Variants in GLDC observed in about 807,000 individuals in gnomAD.
GLDC encodes the protein glycine decarboxylase.
A neutral mutation model predicts 121.3 loss-of-function variants in GLDC; 104 were observed. The ratio of observed to expected loss-of-function variants is 0.86; its 90% confidence interval spans 0.73 to 1.01. The LOEUF is 1.01. Among genes scored for constraint, GLDC ranks in the 50% least tolerant of loss-of-function variants. The probability of loss-of-function intolerance (pLI) is 0.00; values close to 1 mark genes in which losing one functional copy is unlikely to be tolerated. For missense variants in GLDC, 1,429 were observed against 1,306.6 expected, an observed-to-expected ratio of 1.09 and a Z score of -1.44; for synonymous variants, 546 against 480.6, an observed-to-expected ratio of 1.14 and a Z score of -1.78.
chr9:6,604,661 G>A lies in GLDC; in HGVS notation c.985C>T (p.Pro329Ser). The A allele has an allele frequency of 6.2e-7, 1 of 1,614,012 alleles. No individual in the cohort carries two copies. The highest frequency in any genetic ancestry group is 8.5e-7 in the Non-Finnish European group (1 of 1,179,998). The change falls in exon 7 of 25, where the codon CCC becomes TCC. Residue 329 changes from proline to serine, a missense_variant. Coordinates refer to ENST00000321612, the MANE Select transcript of GLDC (RefSeq NM_000170.3). ...CGGACAGCAAAAAATGCTGCATGGG[G>A]TCCCCCATAGCCCAGTGGCACTCCA... ...RFGVPLGYGG[P>S]HAAFFAVRES... is the part of the protein sequence containing the mutation.
At chr9:6,604,529 C>A in intron 7 of GLDC, 59 bp downstream of exon 7, 2 of 1,434,594 alleles carry the variant, frequency 1.4e-6, no homozygotes, top group African/African-American at 1.4e-5. Flanking sequence ...CATTTGTGAT[C>A]AGAAGAAATC....
intron 14 of GLDC, among the ~76,000 whole-genome samples, chr9:6,588,162 C>A (rs1476319610): frequency 1.3e-5 from 2 of 151,864 alleles, no homozygotes; most frequent in African/African-American, 4.8e-5. Context: ...GGCATAAATA[C>A]CATATACATT....
rs567167527 is a variant in GLDC, at chr9:6,553,442, A to T, written c.2383T>A (p.Cys795Ser). The T allele has an allele frequency of 5.1e-5, 83 of 1,613,790 alleles. 1 individual carries two copies. In the South Asian group the frequency reaches 8.9e-4, roughly 17 times the overall value. The change falls in exon 20 of 25, where the codon TGT becomes AGT. Residue 795 changes from cysteine to serine, a missense_variant. Cys to Ser is a moderately radical substitution (Grantham distance 112). Coordinates refer to ENST00000321612, the MANE Select transcript of GLDC (RefSeq NM_000170.3). ...GCCGCACTGACGGTTCCCACAGGAC[A>T]GGCATCCTCATTCCGCTTTAGTGAA... ...VISLKRNEDACPVGTVSAAPW... is the reference protein window; with the variant it reads ...VISLKRNEDASPVGTVSAAPW...
Position 6,558,599 on chromosome 9 carries a change from T to A in GLDC, c.2012A>T (p.Asp671Val). ...AGMKIQPVEV[D>V]KYGNIDAVHL... ...AACTGCATCGATATTCCCATATTTATCCACCTCCACAGGCTGAATCTTCAT... is the reference window on the plus strand; with the variant it reads ...AACTGCATCGATATTCCCATATTTAACCACCTCCACAGGCTGAATCTTCAT... The change falls in exon 17 of 25, where the codon GAT (aspartate) becomes GTT (valine). Residue 671 changes from aspartate to valine, a missense_variant. Asp to Val is a radical substitution (Grantham distance 152, BLOSUM62 -3). Transcript: ENST00000321612. 6.2e-7 allele frequency: 1 copy of A among 1,614,206 alleles called. No homozygotes were observed.
At chr9:6,569,649 C>G (rs892834923) in intron 15 of GLDC, among the ~76,000 whole-genome samples, 24 of 151,972 alleles carry the variant, frequency 1.6e-4, no homozygotes, top group South Asian at 6.2e-4. Flanking sequence ...GAGACTCCAT[C>G]ACAAAAACAA....
At chr9:6,611,447 T>A (rs892126211) in intron 3 of GLDC, among the ~76,000 whole-genome samples, 2 of 151,932 alleles carry the variant, frequency 1.3e-5, no homozygotes, top group Admixed American at 1.3e-4. Context: ...TCCCAGCTAC[T>A]CAGGAGGCTG....
At chr9:6,621,392 G>T (rs971450191) in intron 2 of GLDC, among the ~76,000 whole-genome samples, 3 of 152,144 alleles carry the variant, frequency 2.0e-5, no homozygotes, top group African/African-American at 7.2e-5. Context: ...AGGGTACTGA[G>T]GATTGAAGAC....
At chr9:6,617,771 A>G (rs1467931797) in intron 3 of GLDC, among the ~76,000 whole-genome samples, 1 of 152,264 alleles carries the variant, frequency 6.6e-6, no homozygotes, top group Non-Finnish European at 1.5e-5. Flanking sequence ...ACCCACCAGG[A>G]TTACATTTGC....
intron 15 of GLDC, among the ~76,000 whole-genome samples, chr9:6,571,614 C>T (rs1009895548): frequency 6.6e-6 from 1 of 152,152 alleles, no homozygotes; most frequent in Non-Finnish European, 1.5e-5. Flanking sequence ...GTAGCATATA[C>T]ACAGTGGATA....
At chr9:6,553,824 CT>C (rs1440629834) in intron 19 of GLDC, among the ~76,000 whole-genome samples, 2 of 152,110 alleles carry the variant, frequency 1.3e-5, no homozygotes, top group South Asian at 2.1e-4. Context: ...TCCCTCACCC[CT>C]ATACACTTTC....
chr9:6,625,787 G>A (rs142410357), intron 2 of GLDC, among the ~76,000 whole-genome samples: 1 of 152,022 alleles, frequency 6.6e-6, no homozygotes, highest in East Asian at 1.9e-4. Context: ...GATAGGAAAG[G>A]TGGGGTTAAC....
rs2129837412 is a variant in GLDC at position 6,588,656 on chromosome 9, T to A, written c.1627A>T (p.Asn543Tyr). 6.2e-7 allele frequency: 1 copy of A among 1,613,484 alleles called. No individual in the cohort carries two copies. The highest frequency in any genetic ancestry group is 1.1e-5 in the South Asian group (1 of 91,072). Residue 543 changes from asparagine to tyrosine, a missense_variant, in exon 13 of 25, where the codon AAT becomes TAT. Coordinates refer to ENST00000321612, the MANE Select transcript of GLDC (RefSeq NM_000170.3). ...CTGTGAACAAGGGAAATGTCTTTAT[T>A]TTCCAGTTTCTTCATGTACCGGACA... ...NIVRYMKKLE[N>Y]KDISLVHSMI...
chr9:6,598,559 G>A (rs922200198), intron 8 of GLDC, among the ~76,000 whole-genome samples: 10 of 152,296 alleles, frequency 6.6e-5, no homozygotes, highest in South Asian at 2.1e-4. Flanking sequence ...AACAGAAGGC[G>A]GGGGTCAAAG....
chr9:6,613,400 G>A (rs934603947), intron 3 of GLDC, among the ~76,000 whole-genome samples: 1 of 152,106 alleles, frequency 6.6e-6, no homozygotes, highest in East Asian at 1.9e-4. Context: ...GCCAAGGTGG[G>A]AGGATCACTT....
intron 2 of GLDC, among the ~76,000 whole-genome samples, chr9:6,633,035 G>T (rs1309137529): frequency 6.6e-6 from 1 of 152,064 alleles, no homozygotes; most frequent in Non-Finnish European, 1.5e-5. Context: ...TAGCTCTTCT[G>T]AAATTCACTT....
intron 20 of GLDC, 105 bp from the exon 21 acceptor site, chr9:6,551,019 G>A (rs1817505176): frequency 1.3e-6 from 1 of 790,066 alleles, no homozygotes. Context: ...ACAAAGGAAG[G>A]CAGCCCACCA....
chr9:6,574,068 G>A (rs1818015886), intron 15 of GLDC, among the ~76,000 whole-genome samples: 1 of 152,162 alleles, frequency 6.6e-6, no homozygotes, highest in Admixed American at 6.5e-5. Flanking sequence ...CATAAGTTTA[G>A]TTCCATAATT....
chr9:6,615,662 G>C (rs1290181039), intron 3 of GLDC, among the ~76,000 whole-genome samples: 1 of 152,054 alleles, frequency 6.6e-6, no homozygotes, highest in Middle Eastern at 3.2e-3. Context: ...CCAGGCTGGA[G>C]TGCAGTGGTG....
intron 8 of GLDC, among the ~76,000 whole-genome samples, chr9:6,595,338 C>T (rs1371264530): frequency 2.0e-5 from 3 of 152,154 alleles, no homozygotes; most frequent in Non-Finnish European, 4.4e-5. Context: ...TATACTAAAC[C>T]TTCACATTTG....
Sources: gnomAD v4.1 joint callset for allele counts (sites outside exome capture counted in the v4.1 genomes callset) on GRCh38, gnomAD v4.1.1 for gene constraint, MANE v1.5 for transcripts, NCBI Gene and HGNC (gene_info 2026-07-23, HGNC 2026-07-21) for gene names.